Variants in BCL2L14 observed in about 807,000 individuals in gnomAD.
BCL2L14 encodes the protein apoptosis facilitator Bcl-2-like protein 14.
Under a neutral mutation model 35.3 loss-of-function variants are expected in BCL2L14, and 27 were observed. The observed-to-expected ratio is 0.76, with a 90% CI of 0.56 to 1.05. The LOEUF is 1.05. Ranked by LOEUF, BCL2L14 falls within the 50% of genes least tolerant of loss-of-function variation. BCL2L14 has a pLI of 0.00. For synonymous variants in BCL2L14, 139 were observed against 145.9 expected (o/e 0.95, Z 0.34); for missense variants, 377 against 382.6 (o/e 0.99, Z 0.12).
intron 4 of BCL2L14, among the ~76,000 whole-genome samples, chr12:12,091,405 G>C (rs1281669177): frequency 2.0e-5 from 3 of 152,214 alleles, no homozygotes; most frequent in Non-Finnish European, 4.4e-5. Flanking sequence ...TCAGGAACGG[G>C]TGAGAGTTGC....
At chr12:12,063,647 G>T (rs570645686) in intron 2 of BCL2L14, among the ~76,000 whole-genome samples, 2 of 151,966 alleles carry the variant, frequency 1.3e-5, no homozygotes, top group African/African-American at 4.8e-5. Flanking sequence ...CCACTATTTC[G>T]TTTTATTTTT....
chr12:12,077,537 C>CA (rs58644458), intron 1 of BCL2L14, among the ~76,000 whole-genome samples: 70,342 of 112,832 alleles, frequency 0.62, 20,184 homozygotes, highest in Non-Finnish European at 0.66. Context: ...AACTGAGTCT[C>CA]AAAAAAAAAA....
chr12:12,056,659 C>T (rs1333964349), intron 2 of BCL2L14, among the ~76,000 whole-genome samples: 1 of 152,160 alleles, frequency 6.6e-6, no homozygotes, highest in Admixed American at 6.5e-5. Flanking sequence ...CATGGTGAAA[C>T]CCCATCTCTA....
intron 1 of BCL2L14, among the ~76,000 whole-genome samples, chr12:12,073,044 G>A (rs746522492): frequency 3.3e-5 from 5 of 151,990 alleles, no homozygotes; most frequent in Non-Finnish European, 1.5e-5. Flanking sequence ...ACACCACCAC[G>A]CCCAGCTAAT....
intron 2 of BCL2L14, chr12:12,055,119 G>T (rs1466578326): frequency 6.6e-6 from 1 of 152,140 alleles, no homozygotes; most frequent in Non-Finnish European, 1.5e-5. Context: ...TGAACAATTT[G>T]CTCCCACTCA....
At position 12,087,194 on chromosome 12, in the gene BCL2L14, C is replaced by T; in HGVS notation, c.434-19C>T. 1.2e-6 allele frequency: 2 copies of T among 1,612,446 alleles called. No individual in the cohort carries two copies. Among genetic ancestry groups the T allele is most frequent in the Non-Finnish European group, 1.7e-6 (2 of 1,178,868 alleles). On this transcript the variant is annotated intron_variant, in intron 2 of 5. Coordinates refer to ENST00000308721, the MANE Select transcript of BCL2L14 (RefSeq NM_138723.2). ...AAGTTCTGGGAAGGGCCTCTCAGCACCATTTTGTCTTGTTTCAGCTGTGGA... is the reference window on the plus strand; with the variant it reads ...AAGTTCTGGGAAGGGCCTCTCAGCATCATTTTGTCTTGTTTCAGCTGTGGA...
chr12:12,087,263 T>C lies in BCL2L14; in HGVS notation c.484T>C (p.Tyr162His). The C allele has an allele frequency of 6.2e-7, 1 of 1,614,192 alleles. No individual in the cohort carries two copies. Among genetic ancestry groups the C allele is most frequent in the Non-Finnish European group, 8.5e-7 (1 of 1,180,032 alleles). ...SIANRVAEIV[Y>H]SWPPPQATQA... is the part of the protein sequence containing the mutation. Reference sequence around the variant, plus strand: ...TGCCAACCGAGTAGCTGAAATTGTTTACTCCTGGCCACCACCACAAGCGAC... The same window carrying C: ...TGCCAACCGAGTAGCTGAAATTGTTCACTCCTGGCCACCACCACAAGCGAC... Residue 162 changes from tyrosine to histidine, a missense_variant, in exon 3 of 6, where the codon TAC (tyrosine) becomes CAC (histidine). Coordinates refer to ENST00000308721, the MANE Select transcript of BCL2L14 (RefSeq NM_138723.2).
At chr12:12,076,448 G>C (rs202153887) in intron 1 of BCL2L14, among the ~76,000 whole-genome samples, 2 of 152,058 alleles carry the variant, frequency 1.3e-5, no homozygotes, top group Non-Finnish European at 2.9e-5. Flanking sequence ...GAGGAGGAAG[G>C]ATTGCAGTCA....
In BCL2L14 at chr12:12,094,895, A is replaced by T. The variant is rs1565490760; in HGVS notation, c.910A>T (p.Asn304Tyr). Residue 304 changes from asparagine (N) to tyrosine (Y), a missense_variant, in exon 5 of 6, where the codon AAC becomes TAC. Physicochemically the swap from Asn to Tyr is moderately radical, Grantham distance 143 (BLOSUM62 -2). Transcript: ENST00000308721. ...CTTTGGCACCAAGTACCTGAAAGAG[A>T]ACTTCTCGCCATGGATCCAGCAGCA... ...LGFGTKYLKE[N>Y]FSPWIQQHGG... 1 of 1,614,092 alleles carries T rather than the reference A, an allele frequency of 6.2e-7. No individual in the cohort carries two copies. Among genetic ancestry groups the T allele is most frequent in the South Asian group, 1.1e-5 (1 of 91,082 alleles).
At chr12:12,051,703 T>C (rs1948359955) in intron 1 of BCL2L14, 3 of 152,178 alleles carry the variant, frequency 2.0e-5, no homozygotes, top group Non-Finnish European at 4.4e-5. Context: ...AATACCCAAT[T>C]CAATGAGCAC....
intron 5 of BCL2L14, chr12:12,095,491 T>G: frequency 3.0e-6 from 3 of 985,374 alleles, no homozygotes; most frequent in Non-Finnish European, 3.6e-6. Context: ...CCTCTTTCCC[T>G]TTTGCCTCAA....
upstream of BCL2L14, among the ~76,000 whole-genome samples, chr12:12,067,074 A>AT (rs1274036473): frequency 7.4e-6 from 1 of 135,084 alleles, no homozygotes; most frequent in African/African-American, 2.8e-5. Flanking sequence ...TTTTATTTTG[A>AT]TTTTTTTGGA....
At chr12:12,078,887 C>A (rs1271253838) in intron 1 of BCL2L14, among the ~76,000 whole-genome samples, 3 of 152,244 alleles carry the variant, frequency 2.0e-5, no homozygotes, top group Non-Finnish European at 4.4e-5. Context: ...ACCCCCGACT[C>A]CTGGGTTCAA....
Position 12,052,071 on chromosome 12 carries a change from T to C in BCL2L14, c.-272+224T>C, listed in dbSNP as rs1004393630. On this transcript the variant is annotated intron_variant, in intron 2 of 3. Coordinates refer to the BCL2L14 transcript ENST00000461264. ...TTCTTTTTCTTTTTTGAGGTTTTTT[T>C]CTTCTTCCTTTGTTTTTCGTTTTAT... 4.6e-5 allele frequency among the ~76,000 whole-genome samples: 7 copies of C among 152,190 alleles called. No homozygotes were observed. In the South Asian group the frequency reaches 6.2e-4, roughly 14 times the overall value.
chr12:12,056,568 G>C (rs757530075), intron 2 of BCL2L14, among the ~76,000 whole-genome samples: 1 of 152,204 alleles, frequency 6.6e-6, no homozygotes, highest in Non-Finnish European at 1.5e-5. Context: ...GGTGGCTCAC[G>C]CTCACTCGTA....
intron 5 of BCL2L14, chr12:12,095,690 CA>C: frequency 1.0e-6 from 1 of 985,330 alleles, no homozygotes; most frequent in Non-Finnish European, 1.2e-6. Flanking sequence ...TAGAATGGTC[CA>C]GGGGCCAGCA....
intron 3 of BCL2L14, among the ~76,000 whole-genome samples, chr12:12,089,443 C>T (rs943713920): frequency 6.6e-6 from 1 of 151,826 alleles, no homozygotes; most frequent in African/African-American, 2.4e-5. Flanking sequence ...CGTCTGTAAT[C>T]CCAGCACTTC....
intron 3 of BCL2L14, among the ~76,000 whole-genome samples, chr12:12,090,272 A>G (rs968855917): frequency 6.6e-6 from 1 of 152,216 alleles, no homozygotes; most frequent in Non-Finnish European, 1.5e-5. Context: ...GGGCTGTAGG[A>G]GAAATCCCTA....
chr12:12,063,995 G>A (rs1349954659), intron 2 of BCL2L14, among the ~76,000 whole-genome samples: 2 of 151,740 alleles, frequency 1.3e-5, no homozygotes, highest in African/African-American at 4.8e-5. Flanking sequence ...GACTCAGCCC[G>A]CCTGCACCCA....
Sources: allele counts gnomAD v4.1 joint callset (sites outside exome capture counted in the v4.1 genomes callset), GRCh38; gene constraint gnomAD v4.1.1; transcripts MANE v1.5; gene names NCBI Gene and HGNC (gene_info 2026-07-23, HGNC 2026-07-21).